SEMA5B: variants seen among roughly 807,000 people sequenced by gnomAD.
The protein encoded by SEMA5B is semaphorin 5B.
In SEMA5B, 66 loss-of-function variants were observed where a neutral mutation model predicts 135.0. That is an observed-to-expected ratio of 0.49 (90% CI 0.40 to 0.60). The LOEUF is 0.60. Ranked by LOEUF, SEMA5B falls within the 20% of genes least tolerant of loss-of-function variation. The pLI is 0.00. For missense variants in SEMA5B, 1,501 were observed against 1,566.3 expected, an observed-to-expected ratio of 0.96 and a Z score of 0.70; for synonymous variants, 690 against 639.5, an observed-to-expected ratio of 1.08 and a Z score of -1.19.
intron 5 of SEMA5B, among the ~76,000 whole-genome samples, chr3:122,936,462 G>A (rs1026571762): frequency 2.0e-5 from 3 of 152,162 alleles, no homozygotes; most frequent in African/African-American, 7.2e-5. Flanking sequence ...CTCCATGTCT[G>A]CCCAGGCCCG....
intron 5 of SEMA5B, among the ~76,000 whole-genome samples, chr3:122,931,304 C>T (rs1938961442): frequency 6.6e-6 from 1 of 151,994 alleles, no homozygotes. Flanking sequence ...ACTTACCCAC[C>T]ACCGTTCTTC....
chr3:122,948,515 C>T lies in SEMA5B; in HGVS notation c.319G>A (p.Ala107Thr). Residue 107 changes from alanine (A) to threonine (T), a missense_variant, in exon 3 of 23, where the codon GCC becomes ACC. This residue lies in a region of SEMA5B where 574 missense variants were observed against 684.7 expected (regional missense o/e 0.84). Transcript: ENST00000357599. ...LCALSKHPTVAFEDLQPWVSN... is the reference protein window; with the variant it reads ...LCALSKHPTVTFEDLQPWVSN... ...AGGAAGCAACTCTTACCTTCAAAGG[C>T]CACGGTGGGGTGCTTGCTAAGGGCG... The T allele has an allele frequency of 6.2e-7, 1 of 1,601,330 alleles. No individual in the cohort carries two copies. The highest frequency in any genetic ancestry group is 8.5e-7 in the Non-Finnish European group (1 of 1,171,040).
chr3:122,999,826 G>A (rs912306163), intron 1 of SEMA5B, among the ~76,000 whole-genome samples: 7 of 152,174 alleles, frequency 4.6e-5, no homozygotes, highest in African/African-American at 1.7e-4. Context: ...GCTAAAACAG[G>A]TTCTAAAGAA....
chr3:122,984,032 G>T (rs1465616469), intron 1 of SEMA5B, among the ~76,000 whole-genome samples: 1 of 152,204 alleles, frequency 6.6e-6, no homozygotes, highest in African/African-American at 2.4e-5. Context: ...TTGGTCCTAC[G>T]TGCAGAGGAG....
chr3:123,009,246 G>T (rs1381350088), intron 1 of SEMA5B, among the ~76,000 whole-genome samples: 1 of 152,144 alleles, frequency 6.6e-6, no homozygotes, highest in African/African-American at 2.4e-5. Flanking sequence ...GGGAGCGGGG[G>T]TTGAGACTTC....
In SEMA5B at chr3:122,913,554, AGTTGCCGTTCTCGCAGGCCC is replaced by A; in HGVS notation, c.2240_2259del (p.Arg747LeufsTer129). The A allele has an allele frequency of 6.2e-7, 1 of 1,612,588 alleles. No homozygotes were observed. The highest frequency in any genetic ancestry group is 8.5e-7 in the Non-Finnish European group (1 of 1,179,840). ...CTCACCACGCCGCAGCCCAGGCAGG[AGTTGCCGTTCTCGCAGGCCC>A]GACGCCGCGACTGCATGCCCCCTCC... On this transcript the variant is annotated frameshift_variant, in exon 16 of 23. Coordinates refer to ENST00000357599, the MANE Select transcript of SEMA5B (RefSeq NM_001031702.4). LOFTEE classifies it high-confidence loss of function.
At position 122,930,050 on chromosome 3, in the gene SEMA5B, G is replaced by GC. The variant is rs1393509867; in HGVS notation, c.475-993_475-992insG. ...TCTGTCCTGGGAGAGGGAGCCCTGA[G>GC]AAAGCAGCTCTGTCTTCCAAATGGG... is the stretch of plus-strand genomic sequence containing the variant. On this transcript the variant is annotated intron_variant, in intron 5 of 22. Coordinates refer to ENST00000357599, the MANE Select transcript of SEMA5B (RefSeq NM_001031702.4). Among the ~76,000 whole-genome samples the GC allele has an allele frequency of 1.8e-4, 28 of 152,306 alleles. No homozygotes were observed. The East Asian group carries it at 4.4e-3, about 24-fold the overall frequency.
intron 1 of SEMA5B, among the ~76,000 whole-genome samples, chr3:122,974,397 C>A (rs1425284482): frequency 6.6e-6 from 1 of 152,250 alleles, no homozygotes; most frequent in Non-Finnish European, 1.5e-5. Context: ...GGTGCACACT[C>A]GCCTGCGCAC....
intron 1 of SEMA5B, among the ~76,000 whole-genome samples, chr3:123,021,332 C>T (rs550145250): frequency 1.3e-5 from 2 of 152,286 alleles, no homozygotes; most frequent in Admixed American, 1.3e-4. Context: ...AGAGAGGGCT[C>T]CTAGCTTCCC....
At position 122,909,647 on chromosome 3, in the gene SEMA5B, A is replaced by G. The variant is rs1394171126; in HGVS notation, c.*496T>C. Reference sequence around the variant, plus strand: ...TACTGGGGCAGCACCACAATGGCCCAGCCCTGGCAGAAAATCCAGAGCTAC... The same window carrying G: ...TACTGGGGCAGCACCACAATGGCCCGGCCCTGGCAGAAAATCCAGAGCTAC... On this transcript the variant is annotated 3_prime_UTR_variant, in exon 23 of 23. Coordinates refer to ENST00000357599, the MANE Select transcript of SEMA5B (RefSeq NM_001031702.4). 6.5e-6 allele frequency: 1 copy of G among 154,470 alleles called. No homozygotes were observed. Among genetic ancestry groups the G allele is most frequent in the Non-Finnish European group, 1.4e-5 (1 of 69,422 alleles). The allele number at this position is 154,470 out of a possible 1,614,324, so 9.6% of individuals were successfully genotyped here.
chr3:123,019,772 T>C (rs114080351), intron 1 of SEMA5B, among the ~76,000 whole-genome samples: 2,096 of 152,016 alleles, frequency 0.014, 60 homozygotes, highest in African/African-American at 0.047. Flanking sequence ...GGTACGAAGA[T>C]GAAAGGGCTG....
At chr3:122,949,863 G>A (rs755780450) in intron 2 of SEMA5B, among the ~76,000 whole-genome samples, 3 of 151,996 alleles carry the variant, frequency 2.0e-5, no homozygotes, top group Non-Finnish European at 4.4e-5. Flanking sequence ...TTTCATCCAC[G>A]ACCTAACCAA....
chr3:122,935,686 C>CTTTTTTTTTTTTTTTTTTTTTTTTTTTT lies in SEMA5B; in HGVS notation c.474+3738_474+3739insAAAAAAAAAAAAAAAAAAAAAAAAAAAA, dbSNP rs147968317. The stretch of plus-strand genomic sequence containing the variant: ...CACTTTTTTTTCTTTTTCTTTCTTT[C>CTTTTTTTTTTTTTTTTTTTTTTTTTTTT]TTTTTTTTTTTTTTTTTTTTTTTTG... On this transcript the variant is annotated intron_variant, in intron 5 of 22. Coordinates refer to ENST00000357599, the MANE Select transcript of SEMA5B (RefSeq NM_001031702.4). Among the ~76,000 whole-genome samples, 79 of 70,260 alleles carry CTTTTTTTTTTTTTTTTTTTTTTTTTTTT rather than the reference C, an allele frequency of 1.1e-3. 1 individual carries two copies. The highest frequency in any genetic ancestry group is 1.6e-3 in the East Asian group (4 of 2,518). The allele number at this position is 70,260 out of a possible 152,430, so 46.1% of individuals were successfully genotyped here.
At chr3:123,013,718 C>T (rs577550908) in intron 1 of SEMA5B, among the ~76,000 whole-genome samples, 11 of 152,344 alleles carry the variant, frequency 7.2e-5, no homozygotes, top group South Asian at 4.1e-4. Flanking sequence ...GCCAGATTCA[C>T]GCATTCCCAT....
At chr3:122,937,320 G>A (rs1939341821) in intron 5 of SEMA5B, among the ~76,000 whole-genome samples, 1 of 152,214 alleles carries the variant, frequency 6.6e-6, no homozygotes, top group African/African-American at 2.4e-5. Context: ...AGAGTTACAA[G>A]TCAGGGCTTC....
At chr3:123,025,950 GC>G (rs1352832860) in intron 1 of SEMA5B, among the ~76,000 whole-genome samples, 2 of 152,112 alleles carry the variant, frequency 1.3e-5, no homozygotes, top group African/African-American at 4.8e-5. Context: ...TTCCCCTCTT[GC>G]CCCTTCCTCA....
chr3:122,990,435 T>TAGCAGC (rs745521177), intron 1 of SEMA5B, among the ~76,000 whole-genome samples: 7 of 151,862 alleles, frequency 4.6e-5, no homozygotes, highest in Non-Finnish European at 7.4e-5. Context: ...GGAGAGGGTG[T>TAGCAGC]AGCAGCAGCA....
intron 1 of SEMA5B, among the ~76,000 whole-genome samples, chr3:122,994,558 AT>A (rs1171105851): frequency 6.6e-6 from 1 of 152,072 alleles, no homozygotes; most frequent in African/African-American, 2.4e-5. Flanking sequence ...ACAGTGAGGG[AT>A]TTGGTACTGG....
chr3:122,928,660 C>A, intron 6 of SEMA5B, 45 bp from the exon 7 acceptor site: 2 of 1,376,660 alleles, frequency 1.5e-6, no homozygotes, highest in Non-Finnish European at 1.0e-6. Flanking sequence ...TCTCCAGGTG[C>A]GATGCTGGAT....
Sources: gnomAD v4.1 joint callset for allele counts (sites outside exome capture counted in the v4.1 genomes callset) on GRCh38, gnomAD v4.1.1 for gene constraint, gnomAD v4.1.1 regional missense constraint, MANE v1.5 for transcripts, NCBI Gene and HGNC (gene_info 2026-07-23, HGNC 2026-07-21) for gene names.